Variants in PRTG observed in about 807,000 individuals in gnomAD.
PRTG encodes immunoglobulin superfamily, DCC subclass, member 5.
Under a neutral mutation model 122.5 loss-of-function variants are expected in PRTG, and 67 were observed. The ratio of observed to expected loss-of-function variants is 0.55; its 90% CI spans 0.45 to 0.67. The LOEUF (loss-of-function observed/expected upper bound fraction) is 0.67, where lower values mean the gene tolerates loss of function less well. PRTG is among the 30% of genes least tolerant of loss of function. PRTG has a pLI of 0.00. For missense variants in PRTG, 1,435 were observed against 1,415.4 expected, an observed-to-expected ratio of 1.01 and a Z score of -0.22; for synonymous variants, 554 against 501.1, an observed-to-expected ratio of 1.11 and a Z score of -1.41.
chr15:55,652,554 T>C lies in PRTG; in HGVS notation c.2042-11346A>G, dbSNP rs546693811. ...CGACACAATACCCCCCATATAATTA[T>C]TCAGAGAAGAGGCCAGCGGTACGGC... On this transcript the variant is annotated intron_variant, in intron 11 of 19. Coordinates refer to ENST00000389286, the MANE Select transcript of PRTG (RefSeq NM_173814.6). Among the ~76,000 whole-genome samples the C allele has an allele frequency of 3.3e-5, 5 of 152,166 alleles. No individual in the cohort carries two copies. The East Asian group carries it at 7.7e-4, about 24-fold the overall frequency.
intron 2 of PRTG, among the ~76,000 whole-genome samples, chr15:55,737,099 T>C (rs2031435744): frequency 6.6e-6 from 1 of 152,354 alleles, no homozygotes; most frequent in African/African-American, 2.4e-5. Flanking sequence ...TAAATTTAGA[T>C]AACAAAGACT....
intron 11 of PRTG, among the ~76,000 whole-genome samples, chr15:55,647,761 A>G (rs934886): frequency 0.46 from 69,597 of 152,094 alleles, 20,248 homozygotes; most frequent in Non-Finnish European, 0.65. Flanking sequence ...AAAGCTTATG[A>G]ATATCAAAGA....
chr15:55,664,373 C>A (rs914777026), intron 11 of PRTG, among the ~76,000 whole-genome samples: 1 of 152,086 alleles, frequency 6.6e-6, no homozygotes, highest in Non-Finnish European at 1.5e-5. Context: ...GAACTCCCGA[C>A]CTCAGGTGAT....
rs376784015 is a variant in PRTG at position 55,684,529 on chromosome 15, T to C, written c.398-598A>G. On this transcript the variant is annotated intron_variant, in intron 2 of 19. Coordinates refer to ENST00000389286, the MANE Select transcript of PRTG (RefSeq NM_173814.6). ...TCAGATCAAGACTTTATGGGAAAGC[T>C]GAAGAAGAATACAGATAAAACAAAT... 2.8e-4 allele frequency among the ~76,000 whole-genome samples: 43 copies of C among 152,294 alleles called. No individual in the cohort carries two copies. The South Asian group carries it at 8.7e-3, about 31-fold the overall frequency.
At chr15:55,738,360 T>C (rs1476159529) in intron 2 of PRTG, 1 of 619,136 alleles carries the variant, frequency 1.6e-6, no homozygotes. Context: ...TAGAAAGCTC[T>C]GTGTTTTTCC....
intron 2 of PRTG, among the ~76,000 whole-genome samples, chr15:55,731,615 C>T (rs1017760805): frequency 3.3e-5 from 5 of 151,784 alleles, no homozygotes; most frequent in Non-Finnish European, 7.4e-5. Flanking sequence ...ATGATCCGCC[C>T]GCCTCAGCCT....
chr15:55,703,317 A>C (rs1357461882), intron 2 of PRTG, among the ~76,000 whole-genome samples: 2 of 152,248 alleles, frequency 1.3e-5, no homozygotes, highest in Non-Finnish European at 2.9e-5. Flanking sequence ...TATTGAATTC[A>C]CAATCACTTC....
At position 55,680,559 on chromosome 15, in the gene PRTG, T is replaced by G; in HGVS notation, c.746A>C (p.His249Pro). The change falls in exon 5 of 20, where the codon CAT (histidine) becomes CCT (proline). Residue 249 changes from histidine to proline, a missense_variant. Coordinates refer to ENST00000389286, the MANE Select transcript of PRTG (RefSeq NM_173814.6). ...AGPQNITTSL[H>P]QTVVLECMAT... ...CATGCATTCCAAAACTACAGTCTGA[T>G]GAAGAGATGTTGTTATGTTCTGTGG... 2 of 1,602,830 alleles carry G rather than the reference T, an allele frequency of 1.2e-6. No individual in the cohort carries two copies. Among genetic ancestry groups the G allele is most frequent in the Non-Finnish European group, 1.7e-6 (2 of 1,174,048 alleles).
intron 2 of PRTG, among the ~76,000 whole-genome samples, chr15:55,708,177 A>AAT (rs2030223357): frequency 6.8e-6 from 1 of 147,142 alleles, no homozygotes; most frequent in Non-Finnish European, 1.5e-5. Context: ...AAAAAAAAAA[A>AAT]CAGAGGCAGA....
chr15:55,660,736 T>C (rs1172983807), intron 11 of PRTG, among the ~76,000 whole-genome samples: 4 of 152,060 alleles, frequency 2.6e-5, no homozygotes, highest in African/African-American at 4.8e-5. Flanking sequence ...TATTAGCACA[T>C]ATAAAAAGGA....
intron 2 of PRTG, among the ~76,000 whole-genome samples, chr15:55,717,508 G>GA (rs1251685438): frequency 8.5e-5 from 13 of 152,202 alleles, no homozygotes; most frequent in Non-Finnish European, 2.9e-5. Flanking sequence ...TCCAAAGAAA[G>GA]AAAGTTATGA....
chr15:55,686,120 A>G (rs910844531), intron 2 of PRTG, among the ~76,000 whole-genome samples: 1 of 152,184 alleles, frequency 6.6e-6, no homozygotes, highest in African/African-American at 2.4e-5. Context: ...TGATTTCTCA[A>G]TAATCAGGTA....
chr15:55,628,341 T>C (rs2059207117), intron 16 of PRTG, among the ~76,000 whole-genome samples: 1 of 150,568 alleles, frequency 6.6e-6, no homozygotes, highest in Admixed American at 6.6e-5. Context: ...TAAGGGTAGC[T>C]CTTTAAAGAT....
At chr15:55,653,513 G>C (rs1391938618) in intron 11 of PRTG, among the ~76,000 whole-genome samples, 1 of 151,566 alleles carries the variant, frequency 6.6e-6, no homozygotes, top group Admixed American at 6.6e-5. Context: ...GCCCAGGCTG[G>C]AGTGCAATGG....
chr15:55,633,630 C>A (rs148605215), intron 15 of PRTG, among the ~76,000 whole-genome samples: 1 of 151,950 alleles, frequency 6.6e-6, no homozygotes, highest in African/African-American at 2.4e-5. Flanking sequence ...TTTTCTATAC[C>A]GTACCTTTTC....
chr15:55,722,565 C>T (rs1223831520), intron 2 of PRTG, among the ~76,000 whole-genome samples: 1 of 151,984 alleles, frequency 6.6e-6, no homozygotes, highest in Non-Finnish European at 1.5e-5. Flanking sequence ...AAAACTAAAA[C>T]GAAGAAAGTC....
chr15:55,699,236 G>C (rs2059648782), intron 2 of PRTG, among the ~76,000 whole-genome samples: 1 of 152,124 alleles, frequency 6.6e-6, no homozygotes, highest in African/African-American at 2.4e-5. Context: ...GTTTTCTAAA[G>C]CTTGGGCTTA....
At chr15:55,719,303 G>C (rs900957585) in intron 2 of PRTG, among the ~76,000 whole-genome samples, 4 of 152,172 alleles carry the variant, frequency 2.6e-5, no homozygotes, top group Admixed American at 1.3e-4. Flanking sequence ...TGGCAAAGTT[G>C]ATATTAGAAG....
chr15:55,649,256 G>A (rs1305169350), intron 11 of PRTG, among the ~76,000 whole-genome samples: 5 of 152,054 alleles, frequency 3.3e-5, no homozygotes, highest in African/African-American at 1.2e-4. Flanking sequence ...TAAGAGCTGG[G>A]ATATTAAACC....
Sources: allele counts gnomAD v4.1 joint callset (sites outside exome capture counted in the v4.1 genomes callset), GRCh38; gene constraint gnomAD v4.1.1; transcripts MANE v1.5; gene names NCBI Gene and HGNC (gene_info 2026-07-23, HGNC 2026-07-21).